HTR4: variants seen among roughly 807,000 people sequenced by gnomAD.
The protein encoded by HTR4 is 5-hydroxytryptamine (serotonin) receptor 4, G protein-coupled.
Under a neutral mutation model 36.8 loss-of-function variants are expected in HTR4, and 16 were observed. The ratio of observed to expected loss-of-function variants is 0.43; its 90% CI spans 0.29 to 0.66. The LOEUF is 0.66. Ranked by LOEUF, HTR4 falls within the 30% of genes least tolerant of loss-of-function variation. The probability of loss-of-function intolerance (pLI) is 0.13; values close to 1 mark genes in which losing one functional copy is unlikely to be tolerated. For synonymous variants in HTR4, 189 were observed against 185.1 expected (o/e 1.02, Z -0.17); for missense variants, 438 against 490.9 (o/e 0.89, Z 1.02).
chr5:148,652,493 G>A (rs535328747), intron 1 of HTR4, among the ~76,000 whole-genome samples: 2 of 152,302 alleles, frequency 1.3e-5, no homozygotes, highest in South Asian at 2.1e-4. Context: ...AATCAGGGAG[G>A]TCCAGAAGAG....
intron 2 of HTR4, among the ~76,000 whole-genome samples, chr5:148,611,249 A>C (rs1242384559): frequency 6.6e-6 from 1 of 150,858 alleles, no homozygotes; most frequent in South Asian, 2.1e-4. Flanking sequence ...GTTGAAATGA[A>C]GGAAAAAATG....
At chr5:148,519,241 G>C (rs941159995) in intron 5 of HTR4, among the ~76,000 whole-genome samples, 3 of 152,156 alleles carry the variant, frequency 2.0e-5, no homozygotes, top group Non-Finnish European at 2.9e-5. Context: ...AAATGGTAGT[G>C]ATGATGGAAA....
At chr5:148,637,917 A>T (rs998778755) in intron 1 of HTR4, among the ~76,000 whole-genome samples, 23 of 152,188 alleles carry the variant, frequency 1.5e-4, no homozygotes, top group African/African-American at 5.1e-4. Context: ...GAACATCATC[A>T]TTCACTTCTC....
chr5:148,451,371 A>G lies in HTR4; in HGVS notation c.1077-99T>C, dbSNP rs181874273. On this transcript the variant is annotated intron_variant, in intron 5 of 5. Transcript: ENST00000521530. ...TCTACTCTTGACTTCCTTTCTTTGC[A>G]TACTTCTGAGGGTATGGTGAAGTGG... 27 of 1,583,928 alleles carry G rather than the reference A, an allele frequency of 1.7e-5. 1 individual carries two copies. In the African/African-American group the frequency reaches 2.3e-4, roughly 13 times the overall value.
At chr5:148,466,357 C>G (rs1234884400) in intron 5 of HTR4, among the ~76,000 whole-genome samples, 1 of 152,306 alleles carries the variant, frequency 6.6e-6, no homozygotes, top group South Asian at 2.1e-4. Context: ...GTGATACTCC[C>G]TTTCCTTCTT....
At chr5:148,641,636 G>A (rs533084430) in intron 1 of HTR4, among the ~76,000 whole-genome samples, 1 of 152,250 alleles carries the variant, frequency 6.6e-6, no homozygotes, top group East Asian at 1.9e-4. Context: ...ATTCCCTTGA[G>A]CTTCTTTTTC....
chr5:148,584,529 T>C (rs1054089088), intron 2 of HTR4, among the ~76,000 whole-genome samples: 4 of 152,164 alleles, frequency 2.6e-5, no homozygotes, highest in African/African-American at 9.7e-5. Flanking sequence ...CCCTAAGCAA[T>C]CAGACATTCT....
chr5:148,514,570 C>T (rs2113780568), intron 5 of HTR4, among the ~76,000 whole-genome samples: 1 of 152,248 alleles, frequency 6.6e-6, no homozygotes, highest in Non-Finnish European at 1.5e-5. Context: ...AAGAGAACTG[C>T]TTAACCCAAT....
intron 1 of HTR4, among the ~76,000 whole-genome samples, chr5:148,638,154 A>G (rs924451006): frequency 2.6e-5 from 4 of 152,142 alleles, no homozygotes; most frequent in African/African-American, 9.7e-5. Context: ...AGATCACTAG[A>G]TATGGAAAGG....
At chr5:148,627,477 T>G (rs1249763834) in intron 2 of HTR4, among the ~76,000 whole-genome samples, 1 of 152,230 alleles carries the variant, frequency 6.6e-6, no homozygotes, top group East Asian at 1.9e-4. Context: ...AAGGTGAGGC[T>G]AGAAACGTCA....
intron 2 of HTR4, among the ~76,000 whole-genome samples, chr5:148,569,559 C>T (rs963665674): frequency 6.6e-6 from 1 of 151,446 alleles, no homozygotes; most frequent in African/African-American, 2.4e-5. Flanking sequence ...ATTTTAAATA[C>T]ATTTTATTAT....
chr5:148,476,996 T>A (rs971035326), downstream of HTR4, among the ~76,000 whole-genome samples: 5 of 152,286 alleles, frequency 3.3e-5, no homozygotes, highest in African/African-American at 1.2e-4. Context: ...TCCGAAGAGT[T>A]GAGCATATTC....
Position 148,550,164 on chromosome 5 carries a change from A to G in HTR4, c.125T>C (p.Val42Ala), listed in dbSNP as rs767095152. Residue 42 changes from valine to alanine, a missense_variant, in exon 3 of 7, where the codon GTG becomes GCG. Val to Ala is a moderately conservative substitution (Grantham distance 64). Coordinates refer to ENST00000377888, the MANE Select transcript of HTR4 (RefSeq NM_000870.7). ...MAILGNLLVM[V>A]AVCWDRQLRK... ...GAGCTGCCTGTCCCAGCACACAGCCACCATCACCAGCAGGTTCCCCAAGAT... is the reference window on the plus strand; with the variant it reads ...GAGCTGCCTGTCCCAGCACACAGCCGCCATCACCAGCAGGTTCCCCAAGAT... 1 of 1,614,114 alleles carries G rather than the reference A, an allele frequency of 6.2e-7. No homozygotes were observed. Among genetic ancestry groups the G allele is most frequent in the Non-Finnish European group, 8.5e-7 (1 of 1,180,014 alleles).
intron 2 of HTR4, among the ~76,000 whole-genome samples, chr5:148,605,424 A>G (rs1241543672): frequency 6.6e-6 from 1 of 151,280 alleles, no homozygotes; most frequent in Non-Finnish European, 1.5e-5. Flanking sequence ...ACACCCGGCT[A>G]ATTTTTGTAT....
intron 2 of HTR4, among the ~76,000 whole-genome samples, chr5:148,594,253 C>T (rs894483726): frequency 1.8e-4 from 28 of 151,840 alleles, no homozygotes; most frequent in African/African-American, 5.1e-4. Context: ...TTCTTAAAGG[C>T]GAACTGAGTT....
At chr5:148,642,826 AT>A (rs981772569) in intron 1 of HTR4, among the ~76,000 whole-genome samples, 5 of 152,068 alleles carry the variant, frequency 3.3e-5, no homozygotes, top group South Asian at 2.1e-4. Flanking sequence ...TGTCCTAGCA[AT>A]TTTTTTTAAC....
Position 148,512,661 on chromosome 5 carries a change from T to C in HTR4, c.508-2637A>G, listed in dbSNP as rs144167317. ...GTATAAAGATACTGGCCGGGCGCGG[T>C]GACTTACATCTGTAATCCCAGCACC... is the stretch of plus-strand genomic sequence containing the variant. On this transcript the variant is annotated intron_variant, in intron 5 of 6. Coordinates refer to ENST00000377888, the MANE Select transcript of HTR4 (RefSeq NM_000870.7). Among the ~76,000 whole-genome samples, 150 of 152,296 alleles carry C rather than the reference T, an allele frequency of 9.8e-4. 1 individual carries two copies. Among genetic ancestry groups the C allele is most frequent in the African/African-American group, 3.5e-3 (146 of 41,568 alleles).
intron 2 of HTR4, among the ~76,000 whole-genome samples, chr5:148,558,065 C>A (rs1210121049): frequency 2.0e-5 from 3 of 151,922 alleles, no homozygotes; most frequent in Non-Finnish European, 4.4e-5. Flanking sequence ...CACAAAAGAT[C>A]CCATACTCCC....
At position 148,483,245 on chromosome 5, in the gene HTR4, T is replaced by A. The variant is rs768545026; in HGVS notation, c.1125A>T (p.Pro375=). Residue 375 remains proline, a synonymous_variant, in exon 7 of 7, where the codon CCA becomes CCT. Coordinates refer to ENST00000377888, the MANE Select transcript of HTR4 (RefSeq NM_000870.7). ...GGQWESQCHP[P]ATSPLVAAQP... ...GAGCAGCCACCAAAGGAGAAGTTGC[T>A]GGCGGGTGACACTGACTCTCCCACT... The A allele has an allele frequency of 9.3e-6, 15 of 1,613,872 alleles. No individual in the cohort carries two copies. Among genetic ancestry groups the A allele is most frequent in the African/African-American group, 1.3e-5 (1 of 74,918 alleles).
Sources: gnomAD v4.1 joint callset for allele counts (sites outside exome capture counted in the v4.1 genomes callset) on GRCh38, gnomAD v4.1.1 for gene constraint, MANE v1.5 for transcripts, NCBI Gene and HGNC (gene_info 2026-07-23, HGNC 2026-07-21) for gene names.